The following CRYM variants were observed in gnomAD, a reference collection of about 807,000 sequenced individuals.
The protein encoded by CRYM is crystallin mu.
Under a neutral mutation model 32.9 loss-of-function variants are expected in CRYM, and 18 were observed. The observed-to-expected ratio is 0.55, with a 90% confidence interval of 0.38 to 0.81. The LOEUF (loss-of-function observed/expected upper bound fraction) is 0.81. CRYM is among the 30% of genes least tolerant of loss of function. CRYM has a pLI of 0.00. For synonymous variants in CRYM, 153 were observed against 152.4 expected (o/e 1.00, Z -0.03); for missense variants, 337 against 393.5 (o/e 0.86, Z 1.21).
intron 1 of CRYM, among the ~76,000 whole-genome samples, chr16:21,295,561 C>T (rs527353108): frequency 6.6e-6 from 1 of 152,198 alleles, no homozygotes; most frequent in Admixed American, 6.5e-5. Flanking sequence ...GTATGTTGTG[C>T]TTTTCAAGGA....
At chr16:21,267,773 T>A in intron 4 of CRYM, 36 bp from the exon 5 acceptor site, 3 of 1,611,556 alleles carry the variant, frequency 1.9e-6, no homozygotes, top group Non-Finnish European at 2.5e-6. Flanking sequence ...ATTGGCGCCA[T>A]TTTTTGGCTG....
At chr16:21,265,284 G>A (rs538478123) in intron 5 of CRYM, among the ~76,000 whole-genome samples, 4 of 152,092 alleles carry the variant, frequency 2.6e-5, no homozygotes, top group Non-Finnish European at 4.4e-5. Context: ...CGCCATGTTC[G>A]CTTCCACACT....
intron 1 of CRYM, among the ~76,000 whole-genome samples, chr16:21,295,603 A>G (rs1004293999): frequency 6.6e-6 from 1 of 152,230 alleles, no homozygotes; most frequent in Non-Finnish European, 1.5e-5. Context: ...TGTTAACTAT[A>G]GTAATACAAT....
intron 1 of CRYM, among the ~76,000 whole-genome samples, chr16:21,296,038 A>T (rs544241588): frequency 1.3e-5 from 2 of 152,352 alleles, no homozygotes; most frequent in South Asian, 4.1e-4. Flanking sequence ...ACAAATTAAA[A>T]GATTATAATT....
chr16:21,298,019 T>A (rs1567243284), intron 1 of CRYM, among the ~76,000 whole-genome samples: 1 of 152,248 alleles, frequency 6.6e-6, no homozygotes, highest in Non-Finnish European at 1.5e-5. Flanking sequence ...GATATATCAT[T>A]TTCAGTGTCT....
chr16:21,277,966 C>G lies in CRYM; in HGVS notation c.170+116G>C, dbSNP rs1004370160. ...GGGTAGCGCCTATTAAAAGTGGCAG[C>G]TGTTAGCAACGGTTAGGCAAGCCGT... On this transcript the variant is annotated intron_variant, in intron 1 of 7. Coordinates refer to ENST00000572914, the MANE Select transcript of CRYM (RefSeq NM_001376256.1). The surrounding 1 kb of genome is among the most constrained non-coding windows in gnomAD (Gnocchi z 4.2). 5.2e-5 allele frequency: 64 copies of G among 1,230,236 alleles called. 1 individual carries two copies. In the Admixed American group the frequency reaches 1.4e-3, roughly 28 times the overall value. The allele number at this position is 1,230,236 out of a possible 1,614,324, so 76.2% of individuals were successfully genotyped here.
At chr16:21,286,118 T>C (rs2093406702) in intron 1 of CRYM, among the ~76,000 whole-genome samples, 1 of 152,194 alleles carries the variant, frequency 6.6e-6, no homozygotes, top group African/African-American at 2.4e-5. Context: ...AAGAAGCCAA[T>C]TTTGGACTGT....
rs1372353701 is a variant in CRYM, at chr16:21,260,089, A to G, written c.880+1165T>C. Among the ~76,000 whole-genome samples the G allele has an allele frequency of 3.3e-4, 50 of 152,158 alleles. 1 individual carries two copies. The highest frequency in any genetic ancestry group is 3.3e-3 in the Admixed American group (50 of 15,272). On this transcript the variant is annotated intron_variant, in intron 7 of 7. Transcript: ENST00000572914. The stretch of plus-strand genomic sequence containing the variant: ...ATTTTAAAGACATTTACCAACCTGC[A>G]AGGCATGGATACTTAACCAATGGCA...
At chr16:21,283,997 C>T (rs1312576150) in intron 1 of CRYM, 1 of 152,298 alleles carries the variant, frequency 6.6e-6, no homozygotes, top group Non-Finnish European at 1.5e-5. Flanking sequence ...GCCAGCCCTT[C>T]CTCCTTCTGC....
intron 2 of CRYM, 117 bp from the exon 3 acceptor site, chr16:21,275,711 G>A: frequency 4.9e-6 from 4 of 813,714 alleles, no homozygotes; most frequent in Non-Finnish European, 8.3e-6. Flanking sequence ...AACAGCATGG[G>A]TTTGGCGTCA....
intron 1 of CRYM, among the ~76,000 whole-genome samples, chr16:21,302,004 A>T (rs1960956422): frequency 6.6e-6 from 1 of 152,216 alleles, no homozygotes; most frequent in Non-Finnish European, 1.5e-5. Context: ...CGCAGAGCCC[A>T]AAAGGGCGAC....
At chr16:21,266,899 C>T (rs939267798) in intron 5 of CRYM, among the ~76,000 whole-genome samples, 3 of 151,498 alleles carry the variant, frequency 2.0e-5, no homozygotes, top group Admixed American at 6.6e-5. Context: ...CCCAGCTACT[C>T]GGGAGGCTGA....
At chr16:21,290,146 G>A (rs1960596010) in intron 1 of CRYM, among the ~76,000 whole-genome samples, 1 of 152,196 alleles carries the variant, frequency 6.6e-6, no homozygotes, top group South Asian at 2.1e-4. Flanking sequence ...AGCCAGCAGT[G>A]GCAATGTCGG....
chr16:21,263,297 A>C (rs1233802830), intron 5 of CRYM, among the ~76,000 whole-genome samples: 1 of 152,300 alleles, frequency 6.6e-6, no homozygotes, highest in South Asian at 2.1e-4. Flanking sequence ...GCTACCTGGG[A>C]GGCTGAGGCA....
intron 1 of CRYM, among the ~76,000 whole-genome samples, chr16:21,289,240 A>G (rs957858344): frequency 6.6e-6 from 1 of 152,134 alleles, no homozygotes; most frequent in Non-Finnish European, 1.5e-5. Flanking sequence ...TTTGCTTCAT[A>G]TATTTTAGGG....
rs745719021 is a variant in CRYM, at chr16:21,278,180, G to C, written c.72C>G (p.Ile24Met). ...EEHLRSSSLLIPPLETALANF... is the reference protein window; with the variant it reads ...EEHLRSSSLLMPPLETALANF... Reference sequence around the variant, plus strand: ...TGGCCAGGGCCGTCTCTAGAGGCGGGATGAGGAGGCTGGAGCTGCGGAGGT... The same window carrying C: ...TGGCCAGGGCCGTCTCTAGAGGCGGCATGAGGAGGCTGGAGCTGCGGAGGT... Residue 24 changes from isoleucine (I) to methionine (M), a missense_variant, in exon 1 of 8, where the codon ATC becomes ATG. Coordinates refer to ENST00000572914, the MANE Select transcript of CRYM (RefSeq NM_001376256.1). 1.9e-6 allele frequency: 3 copies of C among 1,553,392 alleles called. No homozygotes were observed. Among genetic ancestry groups the C allele is most frequent in the Non-Finnish European group, 1.7e-6 (2 of 1,149,038 alleles).
intron 5 of CRYM, 179 bp from the exon 6 acceptor site, chr16:21,262,337 G>A: frequency 2.9e-6 from 2 of 680,758 alleles, no homozygotes; most frequent in Non-Finnish European, 5.0e-6. Context: ...TAAGAAATAG[G>A]CCAGGTGTGG....
At chr16:21,272,608 T>C (rs991370656) in intron 3 of CRYM, among the ~76,000 whole-genome samples, 1 of 152,040 alleles carries the variant, frequency 6.6e-6, no homozygotes, top group African/African-American at 2.4e-5. Flanking sequence ...TTTACACTCT[T>C]ACAGCACTTG....
intron 1 of CRYM, among the ~76,000 whole-genome samples, chr16:21,302,283 AATAACT>A (rs1280355998): frequency 6.6e-6 from 1 of 152,210 alleles, no homozygotes; most frequent in Non-Finnish European, 1.5e-5. Context: ...TATATCTGAA[AATAACT>A]ATAAGAGGAA....
Sources: gnomAD v4.1 joint callset for allele counts (sites outside exome capture counted in the v4.1 genomes callset) on GRCh38, gnomAD v4.1.1 for gene constraint, Gnocchi (gnomAD v3.1) non-coding constraint, MANE v1.5 for transcripts, NCBI Gene and HGNC (gene_info 2026-07-23, HGNC 2026-07-21) for gene names.